Variants in VSTM4 observed in about 807,000 individuals in gnomAD.
The protein encoded by VSTM4 is V-set and transmembrane domain-containing protein 4.
In VSTM4, 20 loss-of-function variants were observed where a neutral mutation model predicts 36.4. That is an observed-to-expected ratio of 0.55 (90% CI 0.39 to 0.80). The LOEUF is 0.80. VSTM4 is among the 30% of genes least tolerant of loss of function. VSTM4 has a pLI of 0.00. For missense variants in VSTM4, 392 were observed against 404.5 expected (o/e 0.97, Z 0.26); for synonymous variants, 182 against 173.9 (o/e 1.05, Z -0.37).
chr10:49,045,865 G>T (rs1428349926), intron 7 of VSTM4, among the ~76,000 whole-genome samples: 1 of 152,114 alleles, frequency 6.6e-6, no homozygotes, highest in Non-Finnish European at 1.5e-5. Flanking sequence ...CCCATGATAT[G>T]GTTTGGCTCT....
chr10:49,036,978 C>CAAGTAA (rs984543488), intron 7 of VSTM4, among the ~76,000 whole-genome samples: 14 of 152,270 alleles, frequency 9.2e-5, no homozygotes, highest in Admixed American at 2.6e-4. Flanking sequence ...GAATCACAGG[C>CAAGTAA]AAGTAAGTCT....
In VSTM4 at chr10:49,080,297, C is replaced by A. The variant is rs140402352; in HGVS notation, c.527-2971G>T. The stretch of plus-strand genomic sequence containing the variant: ...CAGGTGGCTGGCTCCCAGGGAGAGC[C>A]TGGAGAAGCAGGTCAGGCTTATGGT... On this transcript the variant is annotated intron_variant, in intron 3 of 7. Transcript: ENST00000332853. 2.5e-3 allele frequency among the ~76,000 whole-genome samples: 388 copies of A among 152,292 alleles called. 1 individual carries two copies. The highest frequency in any genetic ancestry group is 9.1e-3 in the African/African-American group (377 of 41,548).
chr10:49,063,025 C>CTT (rs141666556), intron 5 of VSTM4, among the ~76,000 whole-genome samples: 7,552 of 138,872 alleles, frequency 0.054, 210 homozygotes, highest in Middle Eastern at 0.13. Flanking sequence ...ATGATTGAAT[C>CTT]TTTTTTTTTT....
chr10:49,102,833 T>A (rs1469846743), intron 2 of VSTM4: 1 of 782,246 alleles, frequency 1.3e-6, no homozygotes, highest in Non-Finnish European at 1.6e-6. Context: ...GCATTCATTG[T>A]TATCATCATC....
At chr10:49,088,967 C>T (rs529816350) in intron 2 of VSTM4, among the ~76,000 whole-genome samples, 10 of 152,356 alleles carry the variant, frequency 6.6e-5, no homozygotes, top group African/African-American at 2.4e-4. Flanking sequence ...GAATGGCAGG[C>T]CCCATGCCGG....
intron 2 of VSTM4, among the ~76,000 whole-genome samples, chr10:49,090,478 G>A (rs1844452682): frequency 6.6e-6 from 1 of 152,160 alleles, no homozygotes; most frequent in Non-Finnish European, 1.5e-5. Context: ...GCCAGACAAT[G>A]GTCCTATAGG....
intron 5 of VSTM4, among the ~76,000 whole-genome samples, chr10:49,050,073 G>C (rs1052308577): frequency 2.6e-5 from 4 of 152,110 alleles, no homozygotes; most frequent in Admixed American, 2.6e-4. Context: ...GGGACTAGTT[G>C]AGTAGATTAT....
intron 1 of VSTM4, 27 bp downstream of exon 1, chr10:49,115,404 G>A: frequency 2.0e-6 from 2 of 1,011,338 alleles, no homozygotes; most frequent in Non-Finnish European, 2.4e-6. Context: ...CACCCTTCCC[G>A]CTCCCGCCTG....
At position 49,024,134 on chromosome 10, in the gene VSTM4, C is replaced by T. The variant is rs534271353; in HGVS notation, c.838-4359G>A. ...GGCTGTTTGGTTTTACTTTATTTTC[C>T]ATTTCACCTAACCTGCTGTTACTCC... On this transcript the variant is annotated intron_variant, in intron 7 of 7. Transcript: ENST00000332853. 2.8e-3 allele frequency among the ~76,000 whole-genome samples: 425 copies of T among 152,300 alleles called. 2 individuals carry two copies. The highest frequency in any genetic ancestry group is 8.5e-3 in the South Asian group (41 of 4,828).
chr10:49,115,023 A>G (rs1844965860), intron 1 of VSTM4, among the ~76,000 whole-genome samples: 1 of 152,126 alleles, frequency 6.6e-6, no homozygotes, highest in Non-Finnish European at 1.5e-5. Flanking sequence ...CTCTCCGAAG[A>G]GAGTGAAAGG....
At chr10:49,115,123 C>G (rs993991259) in intron 1 of VSTM4, among the ~76,000 whole-genome samples, 1 of 152,204 alleles carries the variant, frequency 6.6e-6, no homozygotes, top group Non-Finnish European at 1.5e-5. Flanking sequence ...GGGCTGCGCT[C>G]CTGCTGCATC....
intron 7 of VSTM4, among the ~76,000 whole-genome samples, chr10:49,028,217 T>C (rs893777611): frequency 1.2e-4 from 18 of 152,206 alleles, no homozygotes; most frequent in African/African-American, 4.3e-4. Flanking sequence ...AATTCTTACA[T>C]AGCACAGTTT....
rs779445072 is a variant in VSTM4 at position 49,086,070 on chromosome 10, A to AT, written c.458-48dup. On this transcript the variant is annotated intron_variant, in intron 2 of 7. Coordinates refer to ENST00000332853, the MANE Select transcript of VSTM4 (RefSeq NM_001031746.5). ...GCACAGTATGAAAAAATAATGCCACATGGTACACATGGCACTTACATTTAC... is the reference window on the plus strand; with the variant it reads ...GCACAGTATGAAAAAATAATGCCACATTGGTACACATGGCACTTACATTTAC... The AT allele has an allele frequency of 1.6e-5, 19 of 1,176,914 alleles. No individual in the cohort carries two copies. The South Asian group carries it at 2.7e-4, about 17-fold the overall frequency. 72.9% of individuals were successfully genotyped at this position (1,176,914 alleles called of 1,614,324 possible). A position where few individuals can be genotyped will look rare whatever the true frequency, so the allele number is the denominator to read the frequency against.
At chr10:49,078,726 T>C (rs529642751) in intron 3 of VSTM4, among the ~76,000 whole-genome samples, 10 of 152,242 alleles carry the variant, frequency 6.6e-5, no homozygotes, top group Non-Finnish European at 8.8e-5. Context: ...CTTGACTGTA[T>C]GGATGTTAAT....
chr10:49,051,676 A>G (rs1843700784), intron 5 of VSTM4, among the ~76,000 whole-genome samples: 1 of 152,182 alleles, frequency 6.6e-6, no homozygotes, highest in African/African-American at 2.4e-5. Context: ...GATTACAGGC[A>G]TGAGCCACTG....
chr10:49,097,423 T>C (rs12244810), intron 2 of VSTM4, among the ~76,000 whole-genome samples: 4 of 151,706 alleles, frequency 2.6e-5, no homozygotes, highest in African/African-American at 9.7e-5. Flanking sequence ...GTGGAGAGAT[T>C]CCCAAAGCTG....
At position 49,019,722 on chromosome 10, in the gene VSTM4, G is replaced by A; in HGVS notation, c.891C>T (p.Pro297=). ...TGGGGGCGCCTTTGGCAGCCCGGTG[G>A]GGTTTGATCAGCTCCAGTTCGGCAT... The part of the protein sequence containing the change: ...LTYAELELIK[P]HRAAKGAPTS... Residue 297 remains proline (P), a synonymous_variant, in exon 8 of 8, where the codon CCC becomes CCT. Coordinates refer to ENST00000332853, the MANE Select transcript of VSTM4 (RefSeq NM_001031746.5). 2 of 1,614,038 alleles carry A rather than the reference G, an allele frequency of 1.2e-6. No homozygotes were observed. Among genetic ancestry groups the A allele is most frequent in the Non-Finnish European group, 1.7e-6 (2 of 1,179,966 alleles).
At chr10:49,083,531 G>A (rs1380648598) in intron 3 of VSTM4, among the ~76,000 whole-genome samples, 1 of 152,194 alleles carries the variant, frequency 6.6e-6, no homozygotes, top group African/African-American at 2.4e-5. Flanking sequence ...GAAATCATAG[G>A]AAAAGATTGG....
chr10:49,080,610 C>G (rs1445910932), intron 3 of VSTM4, among the ~76,000 whole-genome samples: 1 of 152,230 alleles, frequency 6.6e-6, no homozygotes, highest in Non-Finnish European at 1.5e-5. Context: ...GAGAGAGGGG[C>G]AGGTGTGTGG....
Sources: gnomAD v4.1 joint callset for allele counts (sites outside exome capture counted in the v4.1 genomes callset) on GRCh38, gnomAD v4.1.1 for gene constraint, MANE v1.5 for transcripts, NCBI Gene and HGNC (gene_info 2026-07-23, HGNC 2026-07-21) for gene names.